The following PVT1 variants were observed in gnomAD, a reference collection of about 807,000 sequenced individuals.
The protein encoded by PVT1 is CXCR4/PVT1 fusion.
chr8:127,976,777 G>T (rs1021624474), intron 3 of PVT1, among the ~76,000 whole-genome samples: 2 of 152,174 alleles, frequency 1.3e-5, no homozygotes, highest in Admixed American at 6.5e-5. Flanking sequence ...AGGTCACACA[G>T]GAAGGAAGTG....
intron 2 of PVT1, among the ~76,000 whole-genome samples, chr8:127,862,961 C>G (rs192702613): frequency 6.6e-6 from 1 of 152,106 alleles, no homozygotes; most frequent in South Asian, 2.1e-4. Context: ...TCCCTGGATT[C>G]GACACCTCCA....
chr8:127,993,353 C>T (rs1470353632), intron 4 of PVT1, among the ~76,000 whole-genome samples: 8 of 152,240 alleles, frequency 5.3e-5, no homozygotes, highest in Admixed American at 2.6e-4. Flanking sequence ...CACCTGAAAA[C>T]GAAAGCATTT....
At chr8:128,016,099 G>A (rs917162023) in intron 4 of PVT1, among the ~76,000 whole-genome samples, 4 of 152,034 alleles carry the variant, frequency 2.6e-5, no homozygotes, top group Non-Finnish European at 4.4e-5. Context: ...GCAACATAGC[G>A]AAACCCTGTC....
intron 3 of PVT1, among the ~76,000 whole-genome samples, chr8:127,937,414 A>T (rs1292974431): frequency 6.6e-6 from 1 of 151,646 alleles, no homozygotes; most frequent in African/African-American, 2.4e-5. Context: ...ACGCCCAGCT[A>T]ATTTTTGTAT....
chr8:127,837,062 G>T (rs928639016), intron 2 of PVT1, among the ~76,000 whole-genome samples: 3 of 152,132 alleles, frequency 2.0e-5, no homozygotes, highest in Non-Finnish European at 4.4e-5. Flanking sequence ...GCCCCCTGAG[G>T]GTCTGTTATT....
chr8:127,903,950 A>G (rs372283227), intron 3 of PVT1, among the ~76,000 whole-genome samples: 1 of 152,314 alleles, frequency 6.6e-6, no homozygotes, highest in East Asian at 1.9e-4. Context: ...AGTTTTTTCT[A>G]CTTCTGTGAA....
intron 2 of PVT1, among the ~76,000 whole-genome samples, chr8:127,816,427 C>T (rs539992672): frequency 3.3e-5 from 5 of 150,706 alleles, no homozygotes; most frequent in African/African-American, 7.3e-5. Flanking sequence ...AGATTACAGG[C>T]GTGAGCCGCT....
At chr8:127,980,742 A>C (rs532856575) in intron 3 of PVT1, among the ~76,000 whole-genome samples, 3 of 151,862 alleles carry the variant, frequency 2.0e-5, no homozygotes, top group African/African-American at 7.3e-5. Flanking sequence ...TTTTGAGCTA[A>C]GTGGAAAAAT....
chr8:127,982,748 A>G (rs1816899236), intron 3 of PVT1, among the ~76,000 whole-genome samples: 1 of 152,200 alleles, frequency 6.6e-6, no homozygotes. Flanking sequence ...TAAAGCATTT[A>G]CAAGACACAA....
At chr8:127,985,439 T>TC (rs1296024631) in intron 3 of PVT1, among the ~76,000 whole-genome samples, 4 of 150,586 alleles carry the variant, frequency 2.7e-5, no homozygotes, top group African/African-American at 7.3e-5. Flanking sequence ...GTAGCTGCTT[T>TC]TTTTTTTTTT....
chr8:127,912,760 G>C (rs568948396), intron 3 of PVT1, among the ~76,000 whole-genome samples: 45 of 150,688 alleles, frequency 3.0e-4, no homozygotes, highest in African/African-American at 1.1e-3. Context: ...GCCATGGCAC[G>C]ATCTTGGCTC....
chr8:127,867,050 A>G (rs1014861794), intron 2 of PVT1, among the ~76,000 whole-genome samples: 5 of 152,198 alleles, frequency 3.3e-5, no homozygotes, highest in African/African-American at 1.2e-4. Context: ...TGAATGGTGA[A>G]GCTCTACCAA....
In PVT1 at chr8:128,091,788, G is replaced by A. The variant is rs117688496; in HGVS notation, n.1115-4730G>A. ...TTGTAAAGTTGTGAGGATGGTAAAAGCTTAGCCCAGTGCCTGGCACATCAT... is the reference window on the plus strand; with the variant it reads ...TTGTAAAGTTGTGAGGATGGTAAAAACTTAGCCCAGTGCCTGGCACATCAT... On this transcript the variant is annotated intron_variant and non_coding_transcript_variant, in intron 5 of 10. Transcript: ENST00000651587. Among the ~76,000 whole-genome samples the A allele has an allele frequency of 3.3e-3, 504 of 152,240 alleles. 1 individual carries two copies. The highest frequency in any genetic ancestry group is 6.7e-3 in the Admixed American group (103 of 15,304).
intron 2 of PVT1, among the ~76,000 whole-genome samples, chr8:127,873,662 C>T (rs1344003234): frequency 1.3e-5 from 2 of 152,082 alleles, no homozygotes; most frequent in Admixed American, 6.5e-5. Context: ...GTTAAATACC[C>T]CTCTTGGTGT....
intron 3 of PVT1, among the ~76,000 whole-genome samples, chr8:127,896,859 A>G (rs1014703120): frequency 5.6e-5 from 8 of 143,530 alleles, no homozygotes; most frequent in African/African-American, 1.5e-4. Flanking sequence ...TCTGCAAACC[A>G]TAACACCTCT....
chr8:127,823,309 T>G (rs758065653), intron 2 of PVT1, among the ~76,000 whole-genome samples: 2 of 152,208 alleles, frequency 1.3e-5, no homozygotes. Context: ...GATGCAGAGC[T>G]TTTTAACCAT....
intron 3 of PVT1, among the ~76,000 whole-genome samples, chr8:127,904,909 C>T (rs985886031): frequency 1.6e-4 from 24 of 152,288 alleles, no homozygotes; most frequent in African/African-American, 5.1e-4. Context: ...GCCAGGAGCC[C>T]TGTGTGCCTG....
rs144600323 is a variant in PVT1, at chr8:127,953,044, G to A, written n.783-36118G>A. On this transcript the variant is annotated intron_variant and non_coding_transcript_variant, in intron 3 of 10. Transcript: ENST00000651587. ...CTCCGAAAGTGCTGGGATTACAGGCGTGAGCCACCGCGTCCGGCCCGTGCC... is the reference window on the plus strand; with the variant it reads ...CTCCGAAAGTGCTGGGATTACAGGCATGAGCCACCGCGTCCGGCCCGTGCC... Among the ~76,000 whole-genome samples the A allele has an allele frequency of 6.3e-3, 964 of 152,276 alleles. 10 individuals carry two copies. The highest frequency in any genetic ancestry group is 0.022 in the African/African-American group (919 of 41,548).
At chr8:128,058,069 C>T (rs1314809778) in intron 4 of PVT1, among the ~76,000 whole-genome samples, 1 of 152,186 alleles carries the variant, frequency 6.6e-6, no homozygotes, top group South Asian at 2.1e-4. Context: ...AGAACATCAG[C>T]GTCACTGAAT....
Sources: gnomAD v4.1 joint callset for allele counts (sites outside exome capture counted in the v4.1 genomes callset) on GRCh38, gnomAD v4.1.1 for gene constraint, MANE v1.5 for transcripts, NCBI Gene and HGNC (gene_info 2026-07-23, HGNC 2026-07-21) for gene names.